Variants in GALNT16 observed in about 807,000 individuals in gnomAD.
The protein encoded by GALNT16 is UDP-GalNAc:polypeptide N-acetylgalactosaminyltransferase-like protein 1.
GALNT16 carries 40 observed loss-of-function variants against 76.1 expected under a neutral mutation model. That is an observed-to-expected ratio of 0.53 (90% CI 0.41 to 0.68). The LOEUF (loss-of-function observed/expected upper bound fraction) is 0.68, where lower values mean the gene tolerates loss of function less well. Among genes scored for constraint, GALNT16 ranks in the 30% least tolerant of loss-of-function variants. GALNT16 has a pLI of 0.00. For missense variants in GALNT16, 621 were observed against 731.9 expected (o/e 0.85, Z 1.75); for synonymous variants, 276 against 285.2 (o/e 0.97, Z 0.32).
the GALNT16 span, among the ~76,000 whole-genome samples, chr14:69,367,826 C>G: frequency 1.3e-5 from 2 of 151,616 alleles, no homozygotes; most frequent in Admixed American, 1.3e-4. Flanking sequence ...CTGTTTCTAC[C>G]AAATAAAAAA....
rs187419247 is a variant in GALNT16, at chr14:69,352,965, C to T, written c.*797C>T. On this transcript the variant is annotated 3_prime_UTR_variant, in exon 15 of 15. Transcript: ENST00000448469. Reference sequence around the variant, plus strand: ...GCAGAGGGATCTTTAGGGGAAGATTCGGGCGTAGTTTATTAAACAGACTCC... The same window carrying T: ...GCAGAGGGATCTTTAGGGGAAGATTTGGGCGTAGTTTATTAAACAGACTCC... Among the ~76,000 whole-genome samples the T allele has an allele frequency of 3.1e-4, 47 of 152,206 alleles. No individual in the cohort carries two copies. The highest frequency in any genetic ancestry group is 1.0e-3 in the African/African-American group (42 of 41,512).
intron 5 of GALNT16, 137 bp downstream of exon 5, chr14:69,326,164 G>T: frequency 1.4e-6 from 1 of 718,178 alleles, no homozygotes. Flanking sequence ...ACCAGGTTCT[G>T]CAGAAGACTC....
chr14:69,276,499 G>A (rs2044473065), intron 1 of GALNT16, among the ~76,000 whole-genome samples: 1 of 152,134 alleles, frequency 6.6e-6, no homozygotes, highest in Non-Finnish European at 1.5e-5. Context: ...TGGCCAACAT[G>A]GTGAAGCCCT....
At chr14:69,268,075 G>A (rs2044362607) in intron 1 of GALNT16, among the ~76,000 whole-genome samples, 1 of 152,120 alleles carries the variant, frequency 6.6e-6, no homozygotes, top group Non-Finnish European at 1.5e-5. Context: ...TTGTCTGATG[G>A]AGCTACGCTG....
the GALNT16 span, among the ~76,000 whole-genome samples, chr14:69,371,915 G>A: frequency 6.6e-6 from 1 of 152,080 alleles, no homozygotes; most frequent in Non-Finnish European, 1.5e-5. Flanking sequence ...CTGCACTCCA[G>A]CCTGGGCGAC....
intron 4 of GALNT16, 125 bp downstream of exon 4, chr14:69,325,529 A>T: frequency 1.4e-6 from 1 of 712,298 alleles, no homozygotes; most frequent in Non-Finnish European, 2.6e-6. Flanking sequence ...CCCAGCAGGG[A>T]TCCTGTCTTT....
chr14:69,308,561 G>C (rs8019454), intron 1 of GALNT16, among the ~76,000 whole-genome samples: 94,195 of 152,098 alleles, frequency 0.62, 29,472 homozygotes, highest in South Asian at 0.76. Context: ...TACTGATAGA[G>C]ATTTATTTCC....
At chr14:69,384,513 A>T in the GALNT16 span, among the ~76,000 whole-genome samples, 2 of 152,226 alleles carry the variant, frequency 1.3e-5, no homozygotes, top group Non-Finnish European at 2.9e-5. Context: ...CTTTGCTTCA[A>T]GTTTACTTCC....
At chr14:69,342,589 A>G (rs939136827) in intron 12 of GALNT16, among the ~76,000 whole-genome samples, 4 of 152,096 alleles carry the variant, frequency 2.6e-5, no homozygotes, top group Non-Finnish European at 5.9e-5. Flanking sequence ...ATCACTATAC[A>G]TAGATCTAAA....
the GALNT16 span, among the ~76,000 whole-genome samples, chr14:69,372,522 G>A: frequency 4.7e-5 from 6 of 126,396 alleles, no homozygotes; most frequent in East Asian, 1.1e-3. Context: ...TTGAAATGGA[G>A]TCTTGCTCTG....
intron 1 of GALNT16, among the ~76,000 whole-genome samples, chr14:69,275,597 C>T (rs79412256): frequency 0.015 from 2,209 of 152,328 alleles, 62 homozygotes; most frequent in African/African-American, 0.051. Context: ...TTGCTCATAC[C>T]TGTAATCCCA....
intron 2 of GALNT16, 78 bp downstream of exon 2, chr14:69,320,946 G>A: frequency 7.4e-7 from 1 of 1,359,216 alleles, no homozygotes; most frequent in South Asian, 1.3e-5. Context: ...TCTTTTACGT[G>A]TATCTAAGAA....
intron 13 of GALNT16, 69 bp downstream of exon 13, chr14:69,347,250 C>G: frequency 7.1e-7 from 1 of 1,409,528 alleles, no homozygotes; most frequent in Non-Finnish European, 9.6e-7. Flanking sequence ...GGGTGAGGGA[C>G]TTCCCCCTAC....
intron 12 of GALNT16, among the ~76,000 whole-genome samples, chr14:69,341,993 T>G (rs2045493567): frequency 1.3e-5 from 2 of 152,174 alleles, no homozygotes; most frequent in Admixed American, 1.3e-4. Flanking sequence ...GATCTAGATA[T>G]GGACGTTATC....
chr14:69,307,779 G>A (rs2044958292), intron 1 of GALNT16, among the ~76,000 whole-genome samples: 1 of 152,178 alleles, frequency 6.6e-6, no homozygotes, highest in Non-Finnish European at 1.5e-5. Flanking sequence ...GACGGAAAAG[G>A]AAATGGCACC....
At chr14:69,296,598 TGA>T (rs2044762173) in intron 1 of GALNT16, among the ~76,000 whole-genome samples, 1 of 151,652 alleles carries the variant, frequency 6.6e-6, no homozygotes, top group Non-Finnish European at 1.5e-5. Flanking sequence ...GAGGCTGAGG[TGA>T]GAGGATTGCT....
At chr14:69,285,933 AT>A (rs1182384661) in intron 1 of GALNT16, among the ~76,000 whole-genome samples, 1 of 152,076 alleles carries the variant, frequency 6.6e-6, no homozygotes, top group Non-Finnish European at 1.5e-5. Flanking sequence ...TCAGCTCAGC[AT>A]CCTGGTCTGA....
At chr14:69,325,430 G>A in intron 4 of GALNT16, 26 bp downstream of exon 4, 2 of 1,359,878 alleles carry the variant, frequency 1.5e-6, no homozygotes, top group Non-Finnish European at 2.1e-6. Flanking sequence ...CCTTTTTGCA[G>A]CCCTCCATTC....
intron 7 of GALNT16, 40 bp downstream of exon 7, chr14:69,331,591 G>A (rs200337221): frequency 2.5e-6 from 3 of 1,178,828 alleles, no homozygotes; most frequent in East Asian, 2.3e-5. Flanking sequence ...AGACATGAAA[G>A]GAGGTAGGTG....
Sources: allele counts gnomAD v4.1 joint callset (sites outside exome capture counted in the v4.1 genomes callset), GRCh38; gene constraint gnomAD v4.1.1; transcripts MANE v1.5; gene names NCBI Gene and HGNC (gene_info 2026-07-23, HGNC 2026-07-21).